FSHR: variants seen among roughly 807,000 people sequenced by gnomAD.
FSHR encodes follicle-stimulating hormone receptor.
A neutral mutation model predicts 52.1 loss-of-function variants in FSHR; 46 were observed. The observed-to-expected ratio is 0.88, with a 90% CI of 0.70 to 1.13. The LOEUF (loss-of-function observed/expected upper bound fraction) is 1.13. Ranked by LOEUF, FSHR falls within the 50% of genes most tolerant of loss-of-function variation. The probability of loss-of-function intolerance (pLI) is 0.00; values close to 1 mark genes in which losing one functional copy is unlikely to be tolerated. For missense variants in FSHR, 964 were observed against 834.6 expected (o/e 1.16, Z -1.91); for synonymous variants, 399 against 309.6 (o/e 1.29, Z -3.03).
At chr2:49,098,586 T>A (rs919825321) in intron 1 of FSHR, among the ~76,000 whole-genome samples, 10 of 151,734 alleles carry the variant, frequency 6.6e-5, no homozygotes, top group Non-Finnish European at 1.3e-4. Context: ...AGAATCTCTA[T>A]GCCAGGTTAC....
intron 1 of FSHR, among the ~76,000 whole-genome samples, chr2:49,127,898 C>CTTCTTCTT (rs1558457105): frequency 7.3e-5 from 2 of 27,238 alleles, no homozygotes; most frequent in African/African-American, 3.6e-4. Context: ...TCTTCTTCTT[C>CTTCTTCTT]TTTTTTTTTT....
chr2:49,148,648 G>A (rs903649673), intron 1 of FSHR, among the ~76,000 whole-genome samples: 4 of 152,056 alleles, frequency 2.6e-5, no homozygotes, highest in African/African-American at 9.7e-5. Context: ...TTGAATGAAA[G>A]CAAGTTTAAA....
chr2:48,964,897 A>G (rs901599557), intron 9 of FSHR, among the ~76,000 whole-genome samples: 12 of 152,092 alleles, frequency 7.9e-5, no homozygotes, highest in Middle Eastern at 3.2e-3. Context: ...TAGTATATCA[A>G]TACTCTGGAT....
At chr2:49,071,929 G>A (rs535012318) in intron 1 of FSHR, among the ~76,000 whole-genome samples, 2 of 152,134 alleles carry the variant, frequency 1.3e-5, no homozygotes, top group African/African-American at 2.4e-5. Context: ...ATCTGCCCCC[G>A]TGACACAGTC....
chr2:49,139,399 A>G (rs1038724045), intron 1 of FSHR, among the ~76,000 whole-genome samples: 1 of 152,132 alleles, frequency 6.6e-6, no homozygotes, highest in East Asian at 1.9e-4. Flanking sequence ...ACTGCCTCTG[A>G]GAGCCTTTAT....
intron 9 of FSHR, among the ~76,000 whole-genome samples, chr2:48,965,520 T>A (rs193071397): frequency 1.3e-5 from 2 of 152,156 alleles, no homozygotes; most frequent in Admixed American, 1.3e-4. Flanking sequence ...AGAAGAGGGG[T>A]ATCCTGTGGT....
chr2:49,020,818 C>T (rs1667667753), intron 2 of FSHR, among the ~76,000 whole-genome samples: 2 of 152,272 alleles, frequency 1.3e-5, no homozygotes, highest in African/African-American at 4.8e-5. Flanking sequence ...TTGTTGGCCC[C>T]ATTAATGTCT....
intron 6 of FSHR, among the ~76,000 whole-genome samples, chr2:48,983,910 A>G (rs1675371526): frequency 6.6e-6 from 1 of 152,058 alleles, no homozygotes; most frequent in Non-Finnish European, 1.5e-5. Flanking sequence ...TGGACAGGGG[A>G]GCCCAAGGAC....
At chr2:48,971,082 C>G (rs1573023415) in intron 8 of FSHR, among the ~76,000 whole-genome samples, 1 of 152,136 alleles carries the variant, frequency 6.6e-6, no homozygotes. Context: ...GCTTAAGACC[C>G]TTTAATGACT....
intron 1 of FSHR, among the ~76,000 whole-genome samples, chr2:49,076,161 T>G (rs1043356952): frequency 1.3e-5 from 2 of 152,190 alleles, no homozygotes; most frequent in African/African-American, 4.8e-5. Context: ...CAATCTTATA[T>G]AAACTATACC....
intron 4 of FSHR, among the ~76,000 whole-genome samples, chr2:49,002,659 C>T (rs897617676): frequency 1.3e-5 from 2 of 152,014 alleles, no homozygotes; most frequent in Non-Finnish European, 2.9e-5. Flanking sequence ...TAGCAGCCCC[C>T]ATGATTCAAC....
Position 48,973,900 on chromosome 2 carries a change from G to C in FSHR, c.669-5017C>G, listed in dbSNP as rs369666744. On this transcript the variant is annotated intron_variant, in intron 8 of 9. Coordinates refer to ENST00000406846, the MANE Select transcript of FSHR (RefSeq NM_000145.4). ...TATGGTTGTCTTTTCATGTATGTTT[G>C]TTTGTCTCCTCAGCCAGATTTCAAG... Among the ~76,000 whole-genome samples, 92 of 152,256 alleles carry C rather than the reference G, an allele frequency of 6.0e-4. 2 individuals are homozygous for C. The South Asian group carries it at 0.017, about 29-fold the overall frequency.
intron 1 of FSHR, among the ~76,000 whole-genome samples, chr2:49,129,423 C>T (rs10190904): frequency 0.24 from 36,032 of 152,086 alleles, 4,667 homozygotes; most frequent in East Asian, 0.47. Context: ...CTAGAATAGT[C>T]AATAATCAGA....
At chr2:49,002,854 G>A (rs1181763669) in intron 4 of FSHR, among the ~76,000 whole-genome samples, 1 of 152,102 alleles carries the variant, frequency 6.6e-6, no homozygotes, top group Non-Finnish European at 1.5e-5. Flanking sequence ...GTAAAGAAAA[G>A]AGCTTATCCC....
intron 1 of FSHR, among the ~76,000 whole-genome samples, chr2:49,107,256 C>A (rs1382146424): frequency 6.6e-6 from 1 of 152,016 alleles, no homozygotes; most frequent in African/African-American, 2.4e-5. Flanking sequence ...CTTGAAATGG[C>A]CTTTTTTTCC....
chr2:49,012,020 C>G (rs1290916594), intron 4 of FSHR, among the ~76,000 whole-genome samples: 4 of 152,014 alleles, frequency 2.6e-5, no homozygotes, highest in African/African-American at 9.7e-5. Flanking sequence ...CTGAAGAAAG[C>G]ACATGTCATG....
intron 2 of FSHR, among the ~76,000 whole-genome samples, chr2:49,026,294 A>C (rs776933035): frequency 4.6e-5 from 7 of 152,226 alleles, no homozygotes; most frequent in Non-Finnish European, 8.8e-5. Context: ...AATTTGACAT[A>C]ATATATTTCC....
At chr2:49,081,606 A>G (rs986343319) in intron 1 of FSHR, among the ~76,000 whole-genome samples, 2 of 152,182 alleles carry the variant, frequency 1.3e-5, no homozygotes, top group Non-Finnish European at 2.9e-5. Context: ...ACCTCCCCAT[A>G]AAGTGCCTGA....
At chr2:49,078,152 T>A (rs1465142472) in intron 1 of FSHR, among the ~76,000 whole-genome samples, 1 of 152,178 alleles carries the variant, frequency 6.6e-6, no homozygotes, top group African/African-American at 2.4e-5. Flanking sequence ...AAGAAAGAGA[T>A]TTAATGGACT....
Sources: allele counts gnomAD v4.1 joint callset (sites outside exome capture counted in the v4.1 genomes callset), GRCh38; gene constraint gnomAD v4.1.1; transcripts MANE v1.5; gene names NCBI Gene and HGNC (gene_info 2026-07-23, HGNC 2026-07-21).